The following YPEL1 variants were observed in gnomAD, a reference collection of about 807,000 sequenced individuals.
YPEL1 encodes protein yippee-like 1.
Under a neutral mutation model 17.3 loss-of-function variants are expected in YPEL1, and 7 were observed. That is an observed-to-expected ratio of 0.40 (90% confidence interval 0.23 to 0.76). The LOEUF is 0.76. YPEL1 is among the 30% of genes least tolerant of loss of function. YPEL1 has a pLI of 0.35. For missense variants in YPEL1, 91 were observed against 155.5 expected (o/e 0.59, Z 2.21); for synonymous variants, 59 against 59.6 (o/e 0.99, Z 0.05).
intron 2 of YPEL1, 51 bp downstream of exon 2, chr22:21,710,577 A>G (rs2068154364): frequency 1.4e-6 from 2 of 1,441,004 alleles, no homozygotes; most frequent in Non-Finnish European, 2.0e-6. Context: ...TGTAGGTACC[A>G]CAATGACAGA....
chr22:21,719,297 G>T (rs1193628439), intron 1 of YPEL1, among the ~76,000 whole-genome samples: 2 of 152,300 alleles, frequency 1.3e-5, no homozygotes, highest in South Asian at 4.1e-4. Context: ...GTTCATGGAA[G>T]GAAGCGTTCT....
rs573923077 is a variant in YPEL1 at position 21,717,160 on chromosome 22, A to G, written c.-164-6252T>C. ...GCTGGGGGGGCGGGGGGCGGATCAC[A>G]AGGTCAGGAGTTCGAGACCAGCCTG... On this transcript the variant is annotated intron_variant, in intron 1 of 4. Transcript: ENST00000339468. Among the ~76,000 whole-genome samples, 1,379 of 151,986 alleles carry G rather than the reference A, an allele frequency of 9.1e-3. 17 individuals carry two copies. The highest frequency in any genetic ancestry group is 0.03 in the African/African-American group (1,263 of 41,456).
At chr22:21,704,856 C>T (rs1051033023) in intron 2 of YPEL1, among the ~76,000 whole-genome samples, 2 of 152,166 alleles carry the variant, frequency 1.3e-5, no homozygotes, top group African/African-American at 4.8e-5. Context: ...GGTCACTCCC[C>T]ACGACCTTTG....
At chr22:21,726,453 C>A (rs2068336347) in intron 1 of YPEL1, among the ~76,000 whole-genome samples, 1 of 152,212 alleles carries the variant, frequency 6.6e-6, no homozygotes, top group Non-Finnish European at 1.5e-5. Context: ...CACAGTCCCA[C>A]AGGCGGGTAC....
At chr22:21,712,363 T>G (rs1269811964) in intron 1 of YPEL1, among the ~76,000 whole-genome samples, 1 of 77,528 alleles carries the variant, frequency 1.3e-5, no homozygotes, top group Non-Finnish European at 2.4e-5. Context: ...GTTATTGGAA[T>G]ATGTAAAAAA....
chr22:21,708,658 CA>C (rs1252776990), intron 2 of YPEL1, among the ~76,000 whole-genome samples: 15 of 101,926 alleles, frequency 1.5e-4, no homozygotes, highest in African/African-American at 4.6e-4. Flanking sequence ...ATTCTTGATA[CA>C]ATTTTTTTTT....
At position 21,703,250 on chromosome 22, in the gene YPEL1, C is replaced by CCCCA; in HGVS notation, c.270+119_270+120insTGGG. The CCCCA allele has an allele frequency of 1.2e-6, 1 of 842,132 alleles. No homozygotes were observed. The highest frequency in any genetic ancestry group is 1.5e-5 in the South Asian group (1 of 65,480). The allele number at this position is 842,132 out of a possible 1,614,324, so 52.2% of individuals were successfully genotyped here. On this transcript the variant is annotated intron_variant, in intron 4 of 4. Coordinates refer to ENST00000339468, the MANE Select transcript of YPEL1 (RefSeq NM_013313.5). This position sits in a 1 kb window ranked among gnomAD's most constrained non-coding sequence, Gnocchi z 6.1. ...TGGACTTCCCACCTCGGCTGAGGAA[C>CCCCA]TGGGGTTTCTGAAAGTGCTGTGACT...
chr22:21,707,635 C>G (rs2068126992), intron 2 of YPEL1, among the ~76,000 whole-genome samples: 1 of 152,190 alleles, frequency 6.6e-6, no homozygotes, highest in African/African-American at 2.4e-5. Context: ...ATCTTATAGA[C>G]TTTTCCCACA....
At chr22:21,707,848 T>C (rs1180696783) in intron 2 of YPEL1, among the ~76,000 whole-genome samples, 1 of 152,190 alleles carries the variant, frequency 6.6e-6, no homozygotes, top group Non-Finnish European at 1.5e-5. Flanking sequence ...GGAGGACATA[T>C]GGTCCCTGTT....
intron 1 of YPEL1, among the ~76,000 whole-genome samples, chr22:21,728,574 C>T (rs1330929260): frequency 6.6e-6 from 1 of 152,182 alleles, no homozygotes; most frequent in Non-Finnish European, 1.5e-5. Context: ...CAAGGTTGCA[C>T]AGCCAGTGAC....
chr22:21,731,513 C>T (rs2068385745), intron 1 of YPEL1, among the ~76,000 whole-genome samples: 1 of 149,720 alleles, frequency 6.7e-6, no homozygotes. Context: ...ACATTAAAGG[C>T]CCTGTCTTGG....
At chr22:21,726,727 C>G (rs1017898433) in intron 1 of YPEL1, among the ~76,000 whole-genome samples, 2 of 152,054 alleles carry the variant, frequency 1.3e-5, no homozygotes, top group Non-Finnish European at 2.9e-5. Flanking sequence ...GCTGCCCTCC[C>G]TTGCTGGCCC....
intron 2 of YPEL1, among the ~76,000 whole-genome samples, chr22:21,707,343 G>C (rs937334899): frequency 2.7e-4 from 41 of 152,080 alleles, no homozygotes; most frequent in African/African-American, 9.2e-4. Flanking sequence ...CTTGAACCCG[G>C]GAGACAGAGG....
chr22:21,706,862 T>A (rs1474506689), intron 2 of YPEL1, among the ~76,000 whole-genome samples: 2 of 151,384 alleles, frequency 1.3e-5, no homozygotes, highest in African/African-American at 4.9e-5. Context: ...AATAAATAAA[T>A]AAATAAAAAT....
rs1333710186 is a variant in YPEL1 at position 21,698,841 on chromosome 22, T to G, written c.*2288A>C. 6.6e-6 allele frequency: 1 copy of G among 152,526 alleles called. No individual in the cohort carries two copies. Among genetic ancestry groups the G allele is most frequent in the Non-Finnish European group, 1.5e-5 (1 of 68,148 alleles). The allele number at this position is 152,526 out of a possible 1,614,324, so 9.4% of individuals were successfully genotyped here. On this transcript the variant is annotated 3_prime_UTR_variant, in exon 5 of 5. Transcript: ENST00000339468. ...CACGCGAGCTCAGGAGGACAGGATGTGCTGGGCCAGCCTAAACCCTCGGGG... is the reference window on the plus strand; with the variant it reads ...CACGCGAGCTCAGGAGGACAGGATGGGCTGGGCCAGCCTAAACCCTCGGGG...
chr22:21,712,870 A>G (rs1010437863), intron 1 of YPEL1, among the ~76,000 whole-genome samples: 6 of 152,146 alleles, frequency 3.9e-5, no homozygotes, highest in African/African-American at 9.7e-5. Flanking sequence ...ATATATCTAT[A>G]TTCTATATAG....
intron 1 of YPEL1, among the ~76,000 whole-genome samples, chr22:21,729,520 G>A (rs968045391): frequency 1.3e-5 from 2 of 150,290 alleles, no homozygotes; most frequent in African/African-American, 4.9e-5. Flanking sequence ...AGGATCACTT[G>A]AGGCCAGGAG....
At chr22:21,715,916 C>T (rs921937686) in intron 1 of YPEL1, among the ~76,000 whole-genome samples, 1 of 152,160 alleles carries the variant, frequency 6.6e-6, no homozygotes, top group African/African-American at 2.4e-5. Context: ...GCATGCGCCA[C>T]CACACCCAGC....
At chr22:21,723,765 A>G (rs1202365516) in intron 1 of YPEL1, among the ~76,000 whole-genome samples, 1 of 150,954 alleles carries the variant, frequency 6.6e-6, no homozygotes, top group African/African-American at 2.4e-5. Context: ...TCCCAGGTTC[A>G]AACGATTCTC....
Sources: gnomAD v4.1 joint callset for allele counts (sites outside exome capture counted in the v4.1 genomes callset) on GRCh38, gnomAD v4.1.1 for gene constraint, Gnocchi (gnomAD v3.1) non-coding constraint, MANE v1.5 for transcripts, NCBI Gene and HGNC (gene_info 2026-07-23, HGNC 2026-07-21) for gene names.